LNX1: variants seen among roughly 807,000 people sequenced by gnomAD.
LNX1 encodes ligand of numb-protein X 1.
In LNX1, 54 loss-of-function variants were observed where a neutral mutation model predicts 68.4. That is an observed-to-expected ratio of 0.79 (90% CI 0.63 to 0.99). The LOEUF is 0.99. LNX1 is among the 50% of genes least tolerant of loss of function. LNX1 has a pLI of 0.00. For synonymous variants in LNX1, 336 were observed against 350.0 expected, an observed-to-expected ratio of 0.96 and a Z score of 0.45; for missense variants, 906 against 926.4, an observed-to-expected ratio of 0.98 and a Z score of 0.29.
At chr4:53,635,767 A>G (rs575872895) in intron 1 of LNX1, among the ~76,000 whole-genome samples, 9 of 152,342 alleles carry the variant, frequency 5.9e-5, no homozygotes, top group African/African-American at 2.2e-4. Context: ...CCAGGTTTTA[A>G]CCTAGTGCTT....
At position 53,508,100 on chromosome 4, in the gene LNX1, T is replaced by C. The variant is rs750206183; in HGVS notation, c.508A>G (p.Ile170Val). The change falls in exon 3 of 11, where the codon ATC (isoleucine) becomes GTC (valine). Residue 170 changes from isoleucine (I) to valine (V), a missense_variant. Transcript: ENST00000263925. ...CCAGGCTCGTCTGTCATTAAGGAGA[T>C]GGTGGCAGCTGCAGAAACCTCTGGG... ...PSPEVSAAAT[I>V]SLMTDEPGLD... 1.5e-5 allele frequency: 24 copies of C among 1,614,050 alleles called. No individual in the cohort carries two copies. The highest frequency in any genetic ancestry group is 2.0e-5 in the Non-Finnish European group (24 of 1,179,988).
chr4:53,577,388 C>T (rs560821586), intron 1 of LNX1, among the ~76,000 whole-genome samples: 3 of 152,102 alleles, frequency 2.0e-5, no homozygotes, highest in South Asian at 2.1e-4. Flanking sequence ...GGCTGCAGTG[C>T]GGCCATACCA....
chr4:53,596,473 T>G (rs1347379664), upstream of LNX1, among the ~76,000 whole-genome samples: 2 of 152,186 alleles, frequency 1.3e-5, no homozygotes, highest in Non-Finnish European at 2.9e-5. Context: ...AAAAAAGAAC[T>G]TCATTGTTAC....
upstream of LNX1, among the ~76,000 whole-genome samples, chr4:53,595,896 G>A (rs745539651): frequency 7.9e-5 from 12 of 152,002 alleles, no homozygotes; most frequent in Non-Finnish European, 1.3e-4. Context: ...CATATTTCTA[G>A]AGTTGTCTAT....
intron 2 of LNX1, among the ~76,000 whole-genome samples, chr4:53,572,487 A>G (rs991806356): frequency 2.0e-5 from 3 of 152,216 alleles, no homozygotes; most frequent in African/African-American, 7.2e-5. Flanking sequence ...TAGAGAATCC[A>G]TGCATGTCCC....
chr4:53,519,767 T>C (rs1214754804), intron 2 of LNX1, among the ~76,000 whole-genome samples: 2 of 152,094 alleles, frequency 1.3e-5, no homozygotes, highest in Non-Finnish European at 2.9e-5. Flanking sequence ...AACAACCTCA[T>C]GAGATGGGCA....
intron 2 of LNX1, among the ~76,000 whole-genome samples, chr4:53,515,390 C>T (rs1279220394): frequency 6.6e-6 from 1 of 152,202 alleles, no homozygotes; most frequent in Non-Finnish European, 1.5e-5. Flanking sequence ...GGGATTCACT[C>T]ACACCACCCT....
At chr4:53,555,008 G>A (rs1032374353) in intron 2 of LNX1, among the ~76,000 whole-genome samples, 8 of 152,016 alleles carry the variant, frequency 5.3e-5, no homozygotes, top group African/African-American at 1.9e-4. Context: ...TAGAGAGAAA[G>A]GAAAATCCAG....
At chr4:53,488,290 G>T (rs990246687) in intron 6 of LNX1, among the ~76,000 whole-genome samples, 5 of 152,110 alleles carry the variant, frequency 3.3e-5, no homozygotes, top group African/African-American at 9.7e-5. Flanking sequence ...CCTGCCTATT[G>T]GTCTAGTTAT....
At chr4:53,650,087 T>G (rs1298651466) in intron 1 of LNX1, among the ~76,000 whole-genome samples, 3 of 152,110 alleles carry the variant, frequency 2.0e-5, no homozygotes. Flanking sequence ...CCGAGTGGAA[T>G]AGAATGAATG....
At chr4:53,595,542 T>A (rs979836993), upstream of LNX1, among the ~76,000 whole-genome samples, 2 of 152,244 alleles carry the variant, frequency 1.3e-5, no homozygotes, top group Non-Finnish European at 2.9e-5. Context: ...TCTTTCTCTT[T>A]AGGAGCAAGC....
intron 1 of LNX1, among the ~76,000 whole-genome samples, chr4:53,627,798 G>A (rs1350948314): frequency 6.6e-6 from 1 of 152,124 alleles, no homozygotes; most frequent in Non-Finnish European, 1.5e-5. Flanking sequence ...CCTAAAAGAC[G>A]GTCTAGAAGT....
intron 2 of LNX1, among the ~76,000 whole-genome samples, chr4:53,614,968 C>T (rs566139333): frequency 3.1e-4 from 24 of 77,320 alleles, no homozygotes; most frequent in Admixed American, 8.2e-4. Flanking sequence ...GGAGCTATTC[C>T]GAAATTTGTT....
At chr4:53,524,788 C>A (rs1727493890) in intron 2 of LNX1, among the ~76,000 whole-genome samples, 1 of 152,200 alleles carries the variant, frequency 6.6e-6, no homozygotes. Context: ...AATTTAACAT[C>A]CAGCTACTGC....
chr4:53,535,369 C>T (rs1313977077), intron 2 of LNX1, among the ~76,000 whole-genome samples: 1 of 152,166 alleles, frequency 6.6e-6, no homozygotes, highest in Non-Finnish European at 1.5e-5. Flanking sequence ...TGACACAAAA[C>T]ATACATTTTG....
At chr4:53,536,458 A>G (rs2109640110) in intron 2 of LNX1, among the ~76,000 whole-genome samples, 1 of 152,142 alleles carries the variant, frequency 6.6e-6, no homozygotes, top group South Asian at 2.1e-4. Context: ...ATCACCAGCA[A>G]CTCCTGACCT....
chr4:53,529,955 A>AG (rs1448069861), intron 2 of LNX1, among the ~76,000 whole-genome samples: 1 of 151,922 alleles, frequency 6.6e-6, no homozygotes, highest in Non-Finnish European at 1.5e-5. Context: ...AGAGACTAGA[A>AG]AAAATGTAGG....
In LNX1 at chr4:53,460,742, CAT is replaced by C; in HGVS notation, c.*163_*164del. 1.1e-5 allele frequency: 7 copies of C among 647,630 alleles called. No homozygotes were observed. The Admixed American group carries it at 2.2e-4, about 21-fold the overall frequency. The allele number at this position is 647,630 out of a possible 1,614,324, so 40.1% of individuals were successfully genotyped here. A position where few individuals can be genotyped will look rare whatever the true frequency, so the allele number is the denominator to read the frequency against. On this transcript the variant is annotated 3_prime_UTR_variant, in exon 11 of 11. Coordinates refer to ENST00000263925, the MANE Select transcript of LNX1 (RefSeq NM_001126328.3). ...CTAGTAGTTTTAATTTTTTTGGAAT[CAT>C]ATTTTCTGAGGTGTAACTGGCTTTC...
At chr4:53,560,441 C>T (rs7660884) in intron 2 of LNX1, among the ~76,000 whole-genome samples, 27,160 of 152,066 alleles carry the variant, frequency 0.18, 3,489 homozygotes, top group African/African-American at 0.36. Flanking sequence ...AAATATTTAA[C>T]CTCCCCTTCT....
Sources: gnomAD v4.1 joint callset for allele counts (sites outside exome capture counted in the v4.1 genomes callset) on GRCh38, gnomAD v4.1.1 for gene constraint, MANE v1.5 for transcripts, NCBI Gene and HGNC (gene_info 2026-07-23, HGNC 2026-07-21) for gene names.